Variants in GPR19 observed in about 807,000 individuals in gnomAD.
GPR19 encodes G protein-coupled receptor 19.
Under a neutral mutation model 28.5 loss-of-function variants are expected in GPR19, and 14 were observed. The ratio of observed to expected loss-of-function variants is 0.49; its 90% CI spans 0.32 to 0.77. The LOEUF (loss-of-function observed/expected upper bound fraction) is 0.77. Ranked by LOEUF, GPR19 falls within the 30% of genes least tolerant of loss-of-function variation. The probability of loss-of-function intolerance (pLI) is 0.03; values close to 1 mark genes in which losing one functional copy is unlikely to be tolerated. For missense variants in GPR19, 409 were observed against 504.1 expected (o/e 0.81, Z 1.81); for synonymous variants, 173 against 184.1 (o/e 0.94, Z 0.49).
Position 12,661,241 on chromosome 12 carries a change from G to C in GPR19, c.1208C>G (p.Ala403Gly). The C allele has an allele frequency of 6.2e-7, 1 of 1,612,384 alleles. No homozygotes were observed. Among genetic ancestry groups the C allele is most frequent in the South Asian group, 1.1e-5 (1 of 90,790 alleles). The change falls in exon 4 of 4, where the codon GCT becomes GGT. Residue 403 changes from alanine (A) to glycine (G), a missense_variant. By Grantham distance (60) the Ala-to-Gly change is moderately conservative. Transcript: ENST00000651487. The surrounding 1 kb of genome is among the most constrained non-coding windows in gnomAD (Gnocchi z 4.2). ...FDREAKEKKL[A>G]WPINSNPPNT... ...TGGTGGATTTGAGTTAATGGGCCAA[G>C]CAAGCTTTTTTTCCTTGGCTTCTCT...
chr12:12,673,925 TAGA>T (rs1945893431), intron 3 of GPR19, among the ~76,000 whole-genome samples: 4 of 152,020 alleles, frequency 2.6e-5, no homozygotes, highest in Admixed American at 2.6e-4. Context: ...TGGCCAAGCA[TAGA>T]AGCAGGGAGA....
At chr12:12,668,658 G>A (rs1945813987) in intron 3 of GPR19, among the ~76,000 whole-genome samples, 2 of 146,192 alleles carry the variant, frequency 1.4e-5, no homozygotes, top group African/African-American at 2.5e-5. Flanking sequence ...TTATAATATT[G>A]ATTTTTTACA....
intron 3 of GPR19, among the ~76,000 whole-genome samples, chr12:12,664,034 C>G (rs935899791): frequency 6.6e-6 from 1 of 152,078 alleles, no homozygotes; most frequent in Non-Finnish European, 1.5e-5. Flanking sequence ...CGCTCCGTCC[C>G]CCGGGCTGGT....
chr12:12,664,919 CAAAAAAA>C (rs746346681), intron 3 of GPR19, among the ~76,000 whole-genome samples: 169 of 31,098 alleles, frequency 5.4e-3, no homozygotes, highest in African/African-American at 0.015. Context: ...GACGCCATCT[CAAAAAAA>C]AAAAAAAAAA....
chr12:12,696,434 A>G (rs1946264144), upstream of GPR19, among the ~76,000 whole-genome samples: 1 of 148,746 alleles, frequency 6.7e-6, no homozygotes, highest in African/African-American at 2.5e-5. Flanking sequence ...AAGACAAAAA[A>G]TTAGGCTAAT....
chr12:12,674,072 C>A (rs191557587), intron 3 of GPR19, among the ~76,000 whole-genome samples: 1 of 151,910 alleles, frequency 6.6e-6, no homozygotes, highest in Non-Finnish European at 1.5e-5. Flanking sequence ...ATTAGCCCAG[C>A]ATGGTGGTGA....
chr12:12,689,522 T>C (rs1946151857), intron 2 of GPR19, among the ~76,000 whole-genome samples: 1 of 152,058 alleles, frequency 6.6e-6, no homozygotes, highest in Non-Finnish European at 1.5e-5. Context: ...ATTTCATCCA[T>C]AGGATACTAA....
chr12:12,668,271 A>G (rs1945809873), intron 3 of GPR19, among the ~76,000 whole-genome samples: 2 of 152,224 alleles, frequency 1.3e-5, no homozygotes, highest in African/African-American at 4.8e-5. Flanking sequence ...CAGCTTTATT[A>G]TATCATTGGT....
intron 3 of GPR19, among the ~76,000 whole-genome samples, chr12:12,677,204 A>AT (rs765786361): frequency 0.11 from 14,402 of 133,588 alleles, 948 homozygotes; most frequent in African/African-American, 0.16. Context: ...GCAGATGTTA[A>AT]TTTTTTTTTT....
chr12:12,707,251 A>G, the GPR19 span, among the ~76,000 whole-genome samples: 1 of 152,232 alleles, frequency 6.6e-6, no homozygotes, highest in African/African-American at 2.4e-5. Flanking sequence ...TTTATTGAAA[A>G]GTCCTTCCTT....
chr12:12,695,208 C>T (rs1946244817), intron 2 of GPR19, among the ~76,000 whole-genome samples: 1 of 152,172 alleles, frequency 6.6e-6, no homozygotes, highest in East Asian at 1.9e-4. Flanking sequence ...ATTATAGTAG[C>T]TAAGTGGCAT....
the GPR19 span, among the ~76,000 whole-genome samples, chr12:12,714,591 G>C: frequency 6.6e-6 from 1 of 152,184 alleles, no homozygotes; most frequent in African/African-American, 2.4e-5. Context: ...ACGCAGGACT[G>C]GGGGTTTTGG....
intron 3 of GPR19, among the ~76,000 whole-genome samples, chr12:12,682,267 T>A (rs554097954): frequency 6.6e-6 from 1 of 152,356 alleles, no homozygotes; most frequent in South Asian, 2.1e-4. Context: ...AATTTATGTA[T>A]ACTTTCTAAA....
At chr12:12,708,262 T>G in the GPR19 span, among the ~76,000 whole-genome samples, 1 of 152,220 alleles carries the variant, frequency 6.6e-6, no homozygotes, top group East Asian at 1.9e-4. Context: ...GCCTATTTCC[T>G]ATCCTTATGG....
At chr12:12,685,641 T>G (rs1544727) in intron 2 of GPR19, among the ~76,000 whole-genome samples, 6,760 of 152,244 alleles carry the variant, frequency 0.044, 217 homozygotes, top group East Asian at 0.2. Flanking sequence ...CAGAGCCAAA[T>G]TGGATTGCTG....
chr12:12,704,241 C>G, the GPR19 span, among the ~76,000 whole-genome samples: 1 of 152,246 alleles, frequency 6.6e-6, no homozygotes, highest in African/African-American at 2.4e-5. Flanking sequence ...GTGGCTCACA[C>G]CTGTAATCCC....
intron 2 of GPR19, among the ~76,000 whole-genome samples, chr12:12,687,953 G>A (rs1004539315): frequency 7.9e-5 from 12 of 152,110 alleles, no homozygotes; most frequent in Non-Finnish European, 1.6e-4. Flanking sequence ...GCTAGACTCC[G>A]TCTCTTAAAA....
chr12:12,702,077 A>G, the GPR19 span, among the ~76,000 whole-genome samples: 2 of 151,446 alleles, frequency 1.3e-5, no homozygotes, highest in Non-Finnish European at 2.9e-5. Context: ...GTAGAATAAT[A>G]TTTTTAATTT....
At chr12:12,673,205 C>T (rs1372806347) in intron 3 of GPR19, among the ~76,000 whole-genome samples, 2 of 152,190 alleles carry the variant, frequency 1.3e-5, no homozygotes, top group African/African-American at 4.8e-5. Flanking sequence ...TAATCTTCTT[C>T]TGGCCAGTGA....
Sources: gnomAD v4.1 joint callset for allele counts (sites outside exome capture counted in the v4.1 genomes callset) on GRCh38, gnomAD v4.1.1 for gene constraint, Gnocchi (gnomAD v3.1) non-coding constraint, MANE v1.5 for transcripts, NCBI Gene and HGNC (gene_info 2026-07-23, HGNC 2026-07-21) for gene names.